Variants in CELA3B observed in about 807,000 individuals in gnomAD.
The protein encoded by CELA3B is chymotrypsin-like elastase family member 3B.
In CELA3B, 34 loss-of-function variants were observed where a neutral mutation model predicts 37.2. The ratio of observed to expected loss-of-function variants is 0.91; its 90% CI spans 0.70 to 1.22. CELA3B has a LOEUF of 1.22. Ranked by LOEUF, CELA3B falls within the 50% of genes most tolerant of loss-of-function variation. CELA3B has a pLI of 0.00. For synonymous variants in CELA3B, 127 were observed against 143.5 expected (o/e 0.89, Z 0.82); for missense variants, 340 against 363.1 (o/e 0.94, Z 0.52).
At chr1:21,997,271 G>A (rs1644894266) in intron 4 of CELA3B, among the ~76,000 whole-genome samples, 2 of 145,898 alleles carry the variant, frequency 1.4e-5, no homozygotes, top group South Asian at 4.3e-4. Flanking sequence ...TGAGGCAGGA[G>A]AATTGCTTTA....
At chr1:21,985,750 G>A (rs1377935444) in intron 6 of CELA3B, among the ~76,000 whole-genome samples, 1 of 152,060 alleles carries the variant, frequency 6.6e-6, no homozygotes, top group Non-Finnish European at 1.5e-5. Context: ...AATTAGCCTG[G>A]CATGGTGGTG....
intron 2 of CELA3B, among the ~76,000 whole-genome samples, chr1:21,979,136 A>ATGTG (rs764088422): frequency 0.95 from 143,209 of 151,344 alleles, 68,094 homozygotes; most frequent in Non-Finnish European, 0.99. Context: ...GCAATGGCAC[A>ATGTG]ATCTTGGCTC....
rs369937748 is a variant in CELA3B at position 21,984,347 on chromosome 1, C to G, written c.642+16C>G. On this transcript the variant is annotated intron_variant, in intron 6 of 7. Transcript: ENST00000337107. ...CGGCTGCAATGTGAGTCAGCTCTTA[C>G]CTGCCCGAGGTGGTGCTGGGTGTGC... The G allele has an allele frequency of 3.7e-6, 6 of 1,610,248 alleles. No homozygotes were observed. In the South Asian group the frequency reaches 6.6e-5, roughly 18 times the overall value.
At chr1:21,984,160 C>T in intron 5 of CELA3B, 29 bp from the exon 6 acceptor site, 8 of 1,605,364 alleles carry the variant, frequency 5.0e-6, no homozygotes, top group Non-Finnish European at 6.8e-6. Flanking sequence ...GCCCCCAGAC[C>T]CCTGACTCGG....
At chr1:21,981,976 C>A (rs10917094) in intron 4 of CELA3B, among the ~76,000 whole-genome samples, 1 of 151,870 alleles carries the variant, frequency 6.6e-6, no homozygotes, top group African/African-American at 2.4e-5. Flanking sequence ...CTGCCCGCCT[C>A]GGCCTCCCAA....
chr1:21,986,539 T>C lies in CELA3B; in HGVS notation c.651T>C (p.Ser217=), dbSNP rs148100987. ...GDIRSGCNGD[S]GGPLNCPTED... Reference sequence around the variant, plus strand: ...CTCTCTGACGGTTCCAGGGTGACTCTGGAGGACCCCTCAACTGCCCCACAG... The same window carrying C: ...CTCTCTGACGGTTCCAGGGTGACTCCGGAGGACCCCTCAACTGCCCCACAG... The change falls in exon 7 of 8, where the codon TCT becomes TCC. Residue 217 remains serine, a synonymous_variant. Coordinates refer to ENST00000337107, the MANE Select transcript of CELA3B (RefSeq NM_007352.4). 1.9e-5 allele frequency: 31 copies of C among 1,613,932 alleles called. No homozygotes were observed. The African/African-American group carries it at 4.1e-4, about 22-fold the overall frequency.
chr1:21,984,232 G>T lies in CELA3B; in HGVS notation c.543G>T (p.Pro181=), dbSNP rs3820287. ...LPDKLQEALL[P]VVDYEHCSRW... is the part of the protein sequence containing the mutation. ...ACAAGCTGCAGGAGGCCCTGCTGCC[G>T]GTGGTGGACTATGAACACTGCTCCA... Residue 181 remains proline, a synonymous_variant, in exon 6 of 8, where the codon CCG becomes CCT. Transcript: ENST00000337107. 34 of 1,614,046 alleles carry T rather than the reference G, an allele frequency of 2.1e-5. No individual in the cohort carries two copies. The highest frequency in any genetic ancestry group is 2.5e-5 in the Non-Finnish European group (30 of 1,179,996).
downstream of CELA3B, among the ~76,000 whole-genome samples, chr1:21,992,452 A>G (rs2152817796): frequency 6.6e-6 from 1 of 151,828 alleles, no homozygotes; most frequent in East Asian, 1.9e-4. Context: ...AAGCAGGAAC[A>G]TGAAGGTACT....
At chr1:21,988,711 G>A (rs1314398313) in intron 7 of CELA3B, among the ~76,000 whole-genome samples, 1 of 151,348 alleles carries the variant, frequency 6.6e-6, no homozygotes, top group Non-Finnish European at 1.5e-5. Context: ...CTAACAAGGT[G>A]AAACCCTGTC....
chr1:21,994,812 C>A (rs10917105), intron 4 of CELA3B, among the ~76,000 whole-genome samples: 69,884 of 149,678 alleles, frequency 0.47, 18,923 homozygotes, highest in African/African-American at 0.68. Context: ...CCAGCCTGGG[C>A]AACATGGCGA....
At chr1:21,982,919 T>C (rs1644813619) in intron 4 of CELA3B, among the ~76,000 whole-genome samples, 1 of 152,090 alleles carries the variant, frequency 6.6e-6, no homozygotes, top group African/African-American at 2.4e-5. Flanking sequence ...AACCTCGTGA[T>C]CCGCAGCAGT....
At position 21,978,431 on chromosome 1, in the gene CELA3B, G is replaced by T. The variant is rs765398948; in HGVS notation, c.106G>T (p.Val36Phe). ...CCGCGTTGTCAATGGTGAGGATGCG[G>T]TCCCCTACAGCTGGCCCTGGCAGGT... ...SSRVVNGEDA[V>F]PYSWPWQVSL... The change falls in exon 2 of 8, where the codon GTC becomes TTC. Residue 36 changes from valine to phenylalanine, a missense_variant. Val to Phe is a conservative substitution (Grantham distance 50). Transcript: ENST00000337107. 1.2e-6 allele frequency: 2 copies of T among 1,614,082 alleles called. No individual in the cohort carries two copies. Among genetic ancestry groups the T allele is most frequent in the South Asian group, 1.1e-5 (1 of 91,064 alleles).
downstream of CELA3B, among the ~76,000 whole-genome samples, chr1:21,989,769 TGG>T (rs1442425697): frequency 1.3e-5 from 2 of 150,988 alleles, no homozygotes; most frequent in Admixed American, 1.3e-4. Flanking sequence ...CTGGGGGCTT[TGG>T]TTATTCATTC....
At chr1:21,977,222 C>T in intron 1 of CELA3B, 140 bp downstream of exon 1, 2 of 1,284,506 alleles carry the variant, frequency 1.6e-6, no homozygotes, top group Admixed American at 3.5e-5. Context: ...GGGGGCATGA[C>T]TGTGGGGGCT....
intron 6 of CELA3B, among the ~76,000 whole-genome samples, chr1:21,986,163 C>A (rs1317800648): frequency 1.3e-5 from 2 of 151,050 alleles, no homozygotes; most frequent in African/African-American, 4.9e-5. Flanking sequence ...GAGGTCAGGA[C>A]TTTGAGACTA....
rs182025429 is a variant in CELA3B, at chr1:21,983,790, C to T, written c.459C>T (p.Asn153=). 1.1e-4 allele frequency: 170 copies of T among 1,614,144 alleles called. 1 individual carries two copies. The East Asian group carries it at 3.3e-3, about 31-fold the overall frequency. Reference sequence around the variant, plus strand: ...CTCCGGCTGGTGACATCCTTCCCAACGAGACACCCTGCTACATCACCGGCT... The same window carrying T: ...CTCCGGCTGGTGACATCCTTCCCAATGAGACACCCTGCTACATCACCGGCT... The part of the protein sequence containing the change: ...SLPPAGDILP[N]ETPCYITGWG... Residue 153 remains asparagine (N), a synonymous_variant, in exon 5 of 8, where the codon AAC becomes AAT. Coordinates refer to ENST00000337107, the MANE Select transcript of CELA3B (RefSeq NM_007352.4).
downstream of CELA3B, among the ~76,000 whole-genome samples, chr1:21,992,304 G>T (rs1320771998): frequency 1.3e-5 from 2 of 151,550 alleles, 1 homozygote; most frequent in Non-Finnish European, 2.9e-5. Context: ...GAGACAGGAG[G>T]GTAGCTTGAA....
chr1:21,984,775 C>G (rs1644827958), intron 6 of CELA3B, among the ~76,000 whole-genome samples: 1 of 151,832 alleles, frequency 6.6e-6, no homozygotes, highest in Admixed American at 6.6e-5. Flanking sequence ...GGTGAAACCC[C>G]GTCTCTACTA....
intron 2 of CELA3B, among the ~76,000 whole-genome samples, chr1:21,978,908 A>G (rs940325646): frequency 1.3e-5 from 2 of 151,574 alleles, no homozygotes; most frequent in South Asian, 2.1e-4. Context: ...TAGGCCGGGC[A>G]CGGTGGCTCA....
Sources: gnomAD v4.1 joint callset for allele counts (sites outside exome capture counted in the v4.1 genomes callset) on GRCh38, gnomAD v4.1.1 for gene constraint, MANE v1.5 for transcripts, NCBI Gene and HGNC (gene_info 2026-07-23, HGNC 2026-07-21) for gene names.